The following RPN2 variants were observed in gnomAD, a reference collection of about 807,000 sequenced individuals.
RPN2 encodes the protein ribophorin II.
RPN2 carries 29 observed loss-of-function variants against 71.4 expected under a neutral mutation model. The ratio of observed to expected loss-of-function variants is 0.41; its 90% CI spans 0.30 to 0.55. The LOEUF is 0.55. Among genes scored for constraint, RPN2 ranks in the 20% least tolerant of loss-of-function variants. RPN2 has a pLI of 0.35. For synonymous variants in RPN2, 308 were observed against 305.0 expected (o/e 1.01, Z -0.10); for missense variants, 726 against 774.1 (o/e 0.94, Z 0.74).
At chr20:37,238,020 C>T (rs1213914701) in intron 16 of RPN2, among the ~76,000 whole-genome samples, 9 of 151,938 alleles carry the variant, frequency 5.9e-5, no homozygotes, top group Admixed American at 2.0e-4. Flanking sequence ...AGTGAGACCT[C>T]GTCTCTCAAA....
At chr20:37,227,583 A>G (rs1400094484) in intron 11 of RPN2, among the ~76,000 whole-genome samples, 1 of 152,268 alleles carries the variant, frequency 6.6e-6, no homozygotes, top group African/African-American at 2.4e-5. Context: ...GGTATAGATT[A>G]ACACATGAGA....
chr20:37,198,979 TG>T (rs2067317421), intron 3 of RPN2, 70 bp from the exon 4 acceptor site: 1 of 1,259,274 alleles, frequency 7.9e-7, no homozygotes, highest in African/African-American at 1.5e-5. Flanking sequence ...CTCCGCATTC[TG>T]TCTTTGCCAT....
intron 2 of RPN2, among the ~76,000 whole-genome samples, chr20:37,189,175 T>G (rs762138242): frequency 2.1e-4 from 32 of 152,152 alleles, no homozygotes; most frequent in Non-Finnish European, 1.5e-5. Flanking sequence ...CCTCAGGTGA[T>G]CCACCCGCCT....
chr20:37,180,734 A>T (rs1454825295), intron 1 of RPN2, among the ~76,000 whole-genome samples: 1 of 152,174 alleles, frequency 6.6e-6, no homozygotes, highest in Admixed American at 6.5e-5. Flanking sequence ...ACTAACTCTC[A>T]TCACTTCTCA....
intron 9 of RPN2, among the ~76,000 whole-genome samples, chr20:37,220,828 C>T (rs2146651284): frequency 6.6e-6 from 1 of 152,136 alleles, no homozygotes; most frequent in East Asian, 1.9e-4. Flanking sequence ...TTCCAGAGAC[C>T]CATTTATAGT....
In RPN2 at chr20:37,241,289, C is replaced by T; in HGVS notation, c.1884-14C>T. ...ACCTTCAGTAATTCTGTGTTTGTCT[C>T]CATTTTCTTTCAGAACAGCACATTA... On this transcript the variant is annotated splice_polypyrimidine_tract_variant and intron_variant, in intron 16 of 16. Coordinates refer to ENST00000237530, the MANE Select transcript of RPN2 (RefSeq NM_002951.5). The T allele has an allele frequency of 6.2e-7, 1 of 1,612,358 alleles. No homozygotes were observed. The highest frequency in any genetic ancestry group is 8.5e-7 in the Non-Finnish European group (1 of 1,179,072).
intron 3 of RPN2, 129 bp from the exon 4 acceptor site, chr20:37,198,921 A>G: frequency 1.3e-6 from 1 of 792,706 alleles, no homozygotes; most frequent in South Asian, 1.4e-5. Flanking sequence ...GTGTCTGGGG[A>G]TTAGAGGGGG....
chr20:37,238,861 T>G, intron 16 of RPN2: 1 of 522,064 alleles, frequency 1.9e-6, no homozygotes, highest in Non-Finnish European at 3.8e-6. Flanking sequence ...TCACTGTTTC[T>G]AGACTTTTCT....
intron 16 of RPN2, chr20:37,238,592 T>C: frequency 1.4e-6 from 1 of 733,380 alleles, no homozygotes. Flanking sequence ...CTGAGGCTGC[T>C]TTTCAACTTG....
chr20:37,198,528 C>T (rs763294177), intron 3 of RPN2, 36 bp downstream of exon 3: 4 of 1,613,750 alleles, frequency 2.5e-6, no homozygotes, highest in Admixed American at 3.3e-5. Context: ...ATGACTTTAA[C>T]TATTTAAAGT....
chr20:37,221,355 C>T (rs2067952851), intron 9 of RPN2, among the ~76,000 whole-genome samples: 1 of 152,030 alleles, frequency 6.6e-6, no homozygotes, highest in African/African-American at 2.4e-5. Context: ...ATCACCATGT[C>T]TGGCTAATTT....
At chr20:37,214,435 T>A (rs1305279266) in intron 9 of RPN2, among the ~76,000 whole-genome samples, 1 of 152,226 alleles carries the variant, frequency 6.6e-6, no homozygotes, top group Non-Finnish European at 1.5e-5. Flanking sequence ...AAAGAGGTAG[T>A]TCACCTTAGT....
chr20:37,231,386 A>G (rs555067217), intron 13 of RPN2, among the ~76,000 whole-genome samples: 1 of 152,022 alleles, frequency 6.6e-6, no homozygotes, highest in Non-Finnish European at 1.5e-5. Flanking sequence ...CAAAAAAAAA[A>G]CCAAGAAATA....
rs142562335 is a variant in RPN2 at position 37,229,996 on chromosome 20, T to C, written c.1518T>C (p.Pro506=). 2.4e-4 allele frequency: 391 copies of C among 1,614,024 alleles called. No homozygotes were observed. The highest frequency in any genetic ancestry group is 3.1e-4 in the Non-Finnish European group (369 of 1,179,964). The change falls in exon 13 of 17, where the codon CCT becomes CCC. Residue 506 remains proline, a synonymous_variant. Coordinates refer to ENST00000237530, the MANE Select transcript of RPN2 (RefSeq NM_002951.5). The stretch of plus-strand genomic sequence containing the variant: ...AGGCTGATGTGGTCATCAAGTTCCC[T>C]GAGGAAGAAGCTCCCTCGACTGTCT... The part of the protein sequence containing the change: ...WNVADVVIKF[P]EEEAPSTVLS...
intron 15 of RPN2, among the ~76,000 whole-genome samples, chr20:37,235,940 G>A (rs888524307): frequency 3.3e-5 from 5 of 152,056 alleles, no homozygotes; most frequent in African/African-American, 9.7e-5. Flanking sequence ...GTGAGCTCCC[G>A]CACCCAGCCT....
At chr20:37,227,817 G>A (rs2068116889) in intron 11 of RPN2, among the ~76,000 whole-genome samples, 1 of 152,234 alleles carries the variant, frequency 6.6e-6, no homozygotes, top group Non-Finnish European at 1.5e-5. Context: ...AAAGTGATTA[G>A]ACTCAGTACC....
At chr20:37,199,369 G>A (rs934295945) in intron 4 of RPN2, 144 bp downstream of exon 4, 32 of 1,033,482 alleles carry the variant, frequency 3.1e-5, no homozygotes, top group East Asian at 1.3e-4. Flanking sequence ...GCAAGGCACC[G>A]CAGACATGAT....
intron 2 of RPN2, among the ~76,000 whole-genome samples, chr20:37,192,519 G>A (rs2067164315): frequency 6.6e-6 from 1 of 152,196 alleles, no homozygotes. Flanking sequence ...ATCTGTGCTG[G>A]CTGCTGCAGG....
chr20:37,195,320 C>T (rs756536627), intron 2 of RPN2, among the ~76,000 whole-genome samples: 4 of 152,146 alleles, frequency 2.6e-5, no homozygotes, highest in Non-Finnish European at 5.9e-5. Context: ...CACTGAACGC[C>T]GGACTGGTTT....
Sources: gnomAD v4.1 joint callset for allele counts (sites outside exome capture counted in the v4.1 genomes callset) on GRCh38, gnomAD v4.1.1 for gene constraint, MANE v1.5 for transcripts, NCBI Gene and HGNC (gene_info 2026-07-23, HGNC 2026-07-21) for gene names.